Variants in PTPRD observed in about 807,000 individuals in gnomAD.
The protein encoded by PTPRD is receptor-type tyrosine-protein phosphatase delta.
PTPRD carries 34 observed loss-of-function variants against 214.5 expected under a neutral mutation model. The ratio of observed to expected loss-of-function variants is 0.16; its 90% confidence interval spans 0.12 to 0.21. The LOEUF is 0.21. Among genes scored for constraint, PTPRD ranks in the 10% least tolerant of loss-of-function variants. The probability of loss-of-function intolerance (pLI) is 1.00; values close to 1 mark genes in which losing one functional copy is unlikely to be tolerated. For missense variants in PTPRD, 2,545 were observed against 2,398.7 expected (o/e 1.06, Z -1.27); for synonymous variants, 1,128 against 845.7 (o/e 1.33, Z -5.79).
At chr9:9,438,672 A>G (rs147998198) in intron 8 of PTPRD, among the ~76,000 whole-genome samples, 85 of 152,302 alleles carry the variant, frequency 5.6e-4, no homozygotes, top group African/African-American at 1.9e-3. Context: ...ACTACTGGAT[A>G]TTATGAATTA....
At chr9:8,529,849 G>C (rs2075227709) in intron 14 of PTPRD, among the ~76,000 whole-genome samples, 1 of 152,088 alleles carries the variant, frequency 6.6e-6, no homozygotes, top group South Asian at 2.1e-4. Flanking sequence ...GTGCAGGTTT[G>C]TTACATATGT....
chr9:9,894,707 ATCTC>A (rs1430522963), intron 5 of PTPRD, among the ~76,000 whole-genome samples: 2 of 152,080 alleles, frequency 1.3e-5, no homozygotes, highest in East Asian at 1.9e-4. Context: ...GCTAAATAAT[ATCTC>A]TCTTTTTTAT....
At chr9:8,745,453 G>C (rs2092685348) in intron 11 of PTPRD, among the ~76,000 whole-genome samples, 1 of 152,160 alleles carries the variant, frequency 6.6e-6, no homozygotes, top group African/African-American at 2.4e-5. Flanking sequence ...CTTAAAGGCG[G>C]GGTATAGGAA....
At chr9:8,979,528 AC>A (rs1735077574) in intron 11 of PTPRD, among the ~76,000 whole-genome samples, 1 of 152,174 alleles carries the variant, frequency 6.6e-6, no homozygotes, top group Non-Finnish European at 1.5e-5. Context: ...AAGAACTCTT[AC>A]AATGCAATAG....
intron 4 of PTPRD, among the ~76,000 whole-genome samples, chr9:9,993,137 G>C (rs575135131): frequency 8.8e-4 from 134 of 152,200 alleles, no homozygotes; most frequent in African/African-American, 3.2e-3. Context: ...ATAATCACTA[G>C]TATGAGTTGG....
At chr9:9,954,804 A>G (rs747052693) in intron 4 of PTPRD, among the ~76,000 whole-genome samples, 8 of 152,178 alleles carry the variant, frequency 5.3e-5, no homozygotes, top group Non-Finnish European at 8.8e-5. Context: ...GTAACTATAT[A>G]TACAATATAA....
intron 3 of PTPRD, among the ~76,000 whole-genome samples, chr9:10,204,454 C>G (rs189266810): frequency 2.0e-5 from 3 of 152,128 alleles, no homozygotes; most frequent in African/African-American, 7.2e-5. Context: ...GGACCTCATT[C>G]ATGGCTGTTT....
chr9:8,574,981 A>G (rs1054426956), intron 14 of PTPRD, among the ~76,000 whole-genome samples: 1 of 152,146 alleles, frequency 6.6e-6, no homozygotes, highest in Non-Finnish European at 1.5e-5. Context: ...AAATTAATTC[A>G]ACCTTGGCAA....
intron 14 of PTPRD, among the ~76,000 whole-genome samples, chr9:8,546,621 C>G (rs1455691236): frequency 2.0e-5 from 3 of 151,956 alleles, no homozygotes; most frequent in African/African-American, 7.3e-5. Flanking sequence ...GCCTTGGTCT[C>G]CCCAGTAGAT....
At chr9:8,936,861 G>C (rs2099001390) in intron 11 of PTPRD, among the ~76,000 whole-genome samples, 1 of 152,106 alleles carries the variant, frequency 6.6e-6, no homozygotes, top group South Asian at 2.1e-4. Flanking sequence ...AATTCACTTT[G>C]AGATTTACAT....
At chr9:9,917,055 A>T (rs989644182) in intron 5 of PTPRD, among the ~76,000 whole-genome samples, 1 of 151,842 alleles carries the variant, frequency 6.6e-6, no homozygotes, top group South Asian at 2.1e-4. Context: ...GGAATGCAGC[A>T]AAAGTAGTAT....
intron 4 of PTPRD, among the ~76,000 whole-genome samples, chr9:9,961,339 C>T (rs2094350658): frequency 6.6e-6 from 1 of 152,034 alleles, no homozygotes; most frequent in Admixed American, 6.6e-5. Context: ...GTTTGAGAAA[C>T]AATAGGCAAT....
At position 8,891,395 on chromosome 9, in the gene PTPRD, G is replaced by A. The variant is rs2098539010; in HGVS notation, c.-104+127302C>T. ...GATCCGCCCGCCTCGGCCTCCCAAA[G>A]TGCTGGGATTACAGGCGTGAGACAC... On this transcript the variant is annotated intron_variant, in intron 11 of 45. Coordinates refer to ENST00000381196, the MANE Select transcript of PTPRD (RefSeq NM_002839.4). 5.9e-5 allele frequency among the ~76,000 whole-genome samples: 9 copies of A among 151,460 alleles called. No homozygotes were observed. The South Asian group carries it at 1.9e-3, about 31-fold the overall frequency.
At chr9:9,848,942 C>T (rs1239497111) in intron 5 of PTPRD, among the ~76,000 whole-genome samples, 1 of 151,792 alleles carries the variant, frequency 6.6e-6, no homozygotes, top group Non-Finnish European at 1.5e-5. Context: ...TAATTAATAA[C>T]ATATTTATTG....
At chr9:8,332,755 A>G (rs1842730517) in intron 43 of PTPRD, among the ~76,000 whole-genome samples, 1 of 152,114 alleles carries the variant, frequency 6.6e-6, no homozygotes, top group African/African-American at 2.4e-5. Context: ...TTGCCCATCA[A>G]CCTTCTCCCC....
chr9:8,355,705 A>G (rs576262254), intron 39 of PTPRD, among the ~76,000 whole-genome samples: 2 of 152,294 alleles, frequency 1.3e-5, no homozygotes, highest in East Asian at 3.9e-4. Context: ...CCAGGCATAT[A>G]TACATTATAT....
intron 7 of PTPRD, among the ~76,000 whole-genome samples, chr9:9,609,004 C>T (rs1479072503): frequency 6.6e-6 from 1 of 151,760 alleles, no homozygotes; most frequent in African/African-American, 2.4e-5. Context: ...GTGATTATAC[C>T]CAATTTCTCA....
chr9:8,495,355 T>C (rs912365355), intron 26 of PTPRD, among the ~76,000 whole-genome samples: 2 of 152,220 alleles, frequency 1.3e-5, no homozygotes, highest in Admixed American at 6.5e-5. Flanking sequence ...CTTCCTTTTA[T>C]TGATCCTAAC....
intron 35 of PTPRD, 63 bp from the exon 36 acceptor site, chr9:8,404,723 T>C (rs2092793466): frequency 6.5e-7 from 1 of 1,532,100 alleles, no homozygotes; most frequent in South Asian, 1.2e-5. Context: ...ATTATAGGCA[T>C]TTATCACATG....
Sources: gnomAD v4.1 joint callset for allele counts (sites outside exome capture counted in the v4.1 genomes callset) on GRCh38, gnomAD v4.1.1 for gene constraint, MANE v1.5 for transcripts, NCBI Gene and HGNC (gene_info 2026-07-23, HGNC 2026-07-21) for gene names.